Variants in DGKB observed in about 807,000 individuals in gnomAD.
DGKB encodes the protein 90 kDa diacylglycerol kinase.
A neutral mutation model predicts 114.3 loss-of-function variants in DGKB; 67 were observed. That is an observed-to-expected ratio of 0.59 (90% CI 0.48 to 0.72). The LOEUF is 0.72. Among genes scored for constraint, DGKB ranks in the 30% least tolerant of loss-of-function variants. The probability of loss-of-function intolerance (pLI) is 0.00; values close to 1 mark genes in which losing one functional copy is unlikely to be tolerated. For missense variants in DGKB, 907 were observed against 975.2 expected (o/e 0.93, Z 0.93); for synonymous variants, 398 against 323.1 (o/e 1.23, Z -2.49).
intron 1 of DGKB, among the ~76,000 whole-genome samples, chr7:14,897,261 T>C (rs1242457456): frequency 6.6e-6 from 1 of 151,920 alleles, no homozygotes; most frequent in East Asian, 1.9e-4. Context: ...AATTTGAAAT[T>C]AGAATTTAAA....
intron 23 of DGKB, among the ~76,000 whole-genome samples, chr7:14,258,163 A>G (rs1003090156): frequency 2.0e-5 from 3 of 152,242 alleles, no homozygotes; most frequent in East Asian, 1.9e-4. Flanking sequence ...AGGGATTAAT[A>G]TAAGTTTTAT....
chr7:14,756,068 C>T (rs1262320586), intron 3 of DGKB, among the ~76,000 whole-genome samples: 1 of 151,822 alleles, frequency 6.6e-6, no homozygotes, highest in Admixed American at 6.6e-5. Context: ...TACAGTAAGA[C>T]TAAGTCTTGA....
At chr7:14,438,218 A>C (rs1829565773) in intron 21 of DGKB, among the ~76,000 whole-genome samples, 1 of 152,112 alleles carries the variant, frequency 6.6e-6, no homozygotes, top group African/African-American at 2.4e-5. Flanking sequence ...AGGATTAAGA[A>C]AATGGGGCTC....
At chr7:14,854,027 T>A (rs1455123086) in intron 1 of DGKB, among the ~76,000 whole-genome samples, 1 of 152,164 alleles carries the variant, frequency 6.6e-6, no homozygotes, top group Non-Finnish European at 1.5e-5. Context: ...AGCAGTAAGC[T>A]CCCTTTATTT....
chr7:14,410,120 A>C (rs1410108411), intron 21 of DGKB, among the ~76,000 whole-genome samples: 1 of 151,948 alleles, frequency 6.6e-6, no homozygotes, highest in Non-Finnish European at 1.5e-5. Context: ...CTCTGATACC[A>C]CAACTAACAA....
chr7:14,866,763 G>C (rs1467804368), intron 1 of DGKB, among the ~76,000 whole-genome samples: 5 of 152,018 alleles, frequency 3.3e-5, no homozygotes, highest in African/African-American at 1.2e-4. Context: ...CTTGATGATT[G>C]GATCATATAG....
At chr7:14,475,752 G>A (rs942552840) in intron 21 of DGKB, among the ~76,000 whole-genome samples, 2 of 152,050 alleles carry the variant, frequency 1.3e-5, no homozygotes, top group East Asian at 3.9e-4. Flanking sequence ...AAACATTGAA[G>A]TTTACAAACA....
chr7:14,498,545 C>T (rs1785640168), intron 20 of DGKB, among the ~76,000 whole-genome samples: 1 of 151,694 alleles, frequency 6.6e-6, no homozygotes, highest in Non-Finnish European at 1.5e-5. Flanking sequence ...AATTAAAATG[C>T]AGGCATCCTT....
chr7:14,398,768 A>C (rs1196394849), intron 21 of DGKB, among the ~76,000 whole-genome samples: 1 of 146,714 alleles, frequency 6.8e-6, no homozygotes, highest in African/African-American at 2.5e-5. Flanking sequence ...ATATGAGCTC[A>C]GGATGCTAAC....
chr7:14,248,602 G>C (rs1267626511), intron 23 of DGKB, among the ~76,000 whole-genome samples: 1 of 151,636 alleles, frequency 6.6e-6, no homozygotes, highest in Non-Finnish European at 1.5e-5. Flanking sequence ...TTTATTTTTT[G>C]ATGCTATTTT....
intron 6 of DGKB, among the ~76,000 whole-genome samples, chr7:14,714,051 C>T (rs1425638267): frequency 3.4e-5 from 5 of 149,244 alleles, no homozygotes; most frequent in African/African-American, 7.4e-5. Context: ...ATTTAACTAT[C>T]ATTTATTGAG....
intron 1 of DGKB, among the ~76,000 whole-genome samples, chr7:14,853,639 G>A (rs1290617546): frequency 1.3e-5 from 2 of 151,804 alleles, no homozygotes; most frequent in African/African-American, 2.4e-5. Flanking sequence ...GGCGGATGAC[G>A]TGGTCAGGAC....
chr7:14,574,063 CAAT>C, intron 20 of DGKB, 146 bp downstream of exon 20: 1 of 545,040 alleles, frequency 1.8e-6, no homozygotes, highest in African/African-American at 1.9e-5. Flanking sequence ...GTCATTAGAG[CAAT>C]AATAATTGCC....
At chr7:14,273,051 A>T (rs1798493501) in intron 23 of DGKB, among the ~76,000 whole-genome samples, 2 of 152,178 alleles carry the variant, frequency 1.3e-5, no homozygotes, top group African/African-American at 4.8e-5. Flanking sequence ...TTCATTAGAA[A>T]GATCACAGTG....
At chr7:14,916,162 G>A (rs1784230177) in intron 1 of DGKB, among the ~76,000 whole-genome samples, 1 of 151,758 alleles carries the variant, frequency 6.6e-6, no homozygotes, top group African/African-American at 2.4e-5. Flanking sequence ...AATACATATT[G>A]CAAACTCTGA....
At chr7:14,897,130 A>G (rs1278451243) in intron 1 of DGKB, among the ~76,000 whole-genome samples, 1 of 151,882 alleles carries the variant, frequency 6.6e-6, no homozygotes, top group Non-Finnish European at 1.5e-5. Context: ...GAAGACTAAA[A>G]TAGGATAGTT....
At chr7:14,567,354 ATT>A (rs1797651432) in intron 20 of DGKB, among the ~76,000 whole-genome samples, 4 of 34,114 alleles carry the variant, frequency 1.2e-4, no homozygotes, top group Non-Finnish European at 1.9e-4. Context: ...TATATATATA[ATT>A]ATATTATATA....
intron 6 of DGKB, among the ~76,000 whole-genome samples, chr7:14,714,550 A>C (rs762143827): frequency 1.1e-4 from 17 of 152,166 alleles, no homozygotes; most frequent in Non-Finnish European, 2.4e-4. Flanking sequence ...TAAGGTTTTA[A>C]GTAAGATGAA....
chr7:14,218,244 T>C (rs1789322021), intron 23 of DGKB, among the ~76,000 whole-genome samples: 1 of 152,012 alleles, frequency 6.6e-6, no homozygotes, highest in Non-Finnish European at 1.5e-5. Context: ...GAGAAGGAAT[T>C]TGAAATATTT....
Sources: gnomAD v4.1 joint callset for allele counts (sites outside exome capture counted in the v4.1 genomes callset) on GRCh38, gnomAD v4.1.1 for gene constraint, MANE v1.5 for transcripts, NCBI Gene and HGNC (gene_info 2026-07-23, HGNC 2026-07-21) for gene names.